Variants in NOL4 observed in about 807,000 individuals in gnomAD.
NOL4 encodes the protein cancer/testis antigen 125.
In NOL4, 17 loss-of-function variants were observed where a neutral mutation model predicts 75.9. The observed-to-expected ratio is 0.22, with a 90% CI of 0.15 to 0.34. The LOEUF is 0.34. NOL4 is among the 10% of genes least tolerant of loss of function. The pLI, the probability that NOL4 is intolerant of heterozygous loss-of-function variation, is 1.00. For missense variants in NOL4, 614 were observed against 793.5 expected, an observed-to-expected ratio of 0.77 and a Z score of 2.72; for synonymous variants, 292 against 289.9, an observed-to-expected ratio of 1.01 and a Z score of -0.07.
chr18:34,139,289 T>G (rs1415819882), intron 1 of NOL4, among the ~76,000 whole-genome samples: 2 of 152,236 alleles, frequency 1.3e-5, no homozygotes, highest in Non-Finnish European at 2.9e-5. Context: ...AGAATTCGGC[T>G]GTGAATCTGT....
chr18:34,047,790 G>A (rs558088800), intron 5 of NOL4, among the ~76,000 whole-genome samples: 2 of 152,150 alleles, frequency 1.3e-5, no homozygotes, highest in African/African-American at 4.8e-5. Context: ...CCACATAGAC[G>A]TAGACATCCC....
At chr18:34,208,358 C>T (rs2036267852) in intron 1 of NOL4, among the ~76,000 whole-genome samples, 2 of 151,812 alleles carry the variant, frequency 1.3e-5, no homozygotes, top group South Asian at 4.2e-4. Context: ...TACCCTGACC[C>T]AGAATGTCCA....
chr18:34,129,643 C>A (rs964042219), intron 2 of NOL4, among the ~76,000 whole-genome samples: 18 of 151,526 alleles, frequency 1.2e-4, no homozygotes, highest in Non-Finnish European at 2.9e-5. Flanking sequence ...ACATATTATA[C>A]ATTTTTAAAG....
intron 1 of NOL4, among the ~76,000 whole-genome samples, chr18:34,157,488 A>T (rs2030636557): frequency 6.6e-6 from 1 of 152,274 alleles, no homozygotes; most frequent in African/African-American, 2.4e-5. Flanking sequence ...TTGTCCATGA[A>T]GTAGCTCAGA....
chr18:33,990,758 T>C (rs1381738866), intron 6 of NOL4, among the ~76,000 whole-genome samples: 1 of 152,062 alleles, frequency 6.6e-6, no homozygotes. Context: ...ACAGTCTTCC[T>C]TTCCATCCTA....
intron 4 of NOL4, among the ~76,000 whole-genome samples, chr18:34,098,061 T>C (rs1261510122): frequency 2.6e-5 from 4 of 152,190 alleles, no homozygotes; most frequent in African/African-American, 4.8e-5. Flanking sequence ...GTTTTTTTTA[T>C]GGATATTGAC....
intron 5 of NOL4, among the ~76,000 whole-genome samples, chr18:34,068,470 G>T (rs1350477195): frequency 6.6e-6 from 1 of 152,022 alleles, no homozygotes; most frequent in African/African-American, 2.4e-5. Context: ...CGCGAGCTTG[G>T]CTCACTGCAA....
intron 4 of NOL4, among the ~76,000 whole-genome samples, chr18:34,094,626 G>C (rs1008041434): frequency 1.3e-5 from 2 of 152,154 alleles, no homozygotes; most frequent in African/African-American, 4.8e-5. Context: ...AGGCTGGAAG[G>C]CCCGGGAAAC....
At chr18:33,978,409 C>A (rs536599148) in intron 6 of NOL4, among the ~76,000 whole-genome samples, 1 of 152,136 alleles carries the variant, frequency 6.6e-6, no homozygotes, top group African/African-American at 2.4e-5. Context: ...AGTCAGGTCT[C>A]TACTGATGAT....
intron 1 of NOL4, among the ~76,000 whole-genome samples, chr18:34,163,326 G>T (rs1257924970): frequency 3.3e-5 from 5 of 151,690 alleles, no homozygotes; most frequent in Admixed American, 6.6e-5. Context: ...TGACATGATT[G>T]TATATCTAGA....
chr18:34,165,825 A>G (rs1457287938), intron 1 of NOL4, among the ~76,000 whole-genome samples: 1 of 152,010 alleles, frequency 6.6e-6, no homozygotes. Context: ...TATAATAAGC[A>G]GATATAATTG....
chr18:34,190,256 A>G (rs899814027), intron 1 of NOL4, among the ~76,000 whole-genome samples: 2 of 151,816 alleles, frequency 1.3e-5, no homozygotes, highest in African/African-American at 4.8e-5. Context: ...TAATTACAAG[A>G]GCTGAGAATG....
chr18:33,988,395 A>C (rs1370710685), intron 6 of NOL4, among the ~76,000 whole-genome samples: 1 of 152,110 alleles, frequency 6.6e-6, no homozygotes, highest in Admixed American at 6.5e-5. Context: ...AAACATAAAA[A>C]GATACTTGAG....
chr18:34,209,439 G>A (rs2036361686), intron 1 of NOL4, among the ~76,000 whole-genome samples: 1 of 151,954 alleles, frequency 6.6e-6, no homozygotes, highest in African/African-American at 2.4e-5. Flanking sequence ...ATGATGAATG[G>A]CAAGAGAACT....
intron 5 of NOL4, among the ~76,000 whole-genome samples, chr18:34,040,852 G>A (rs1432068752): frequency 9.2e-5 from 14 of 151,934 alleles, no homozygotes; most frequent in Admixed American, 9.2e-4. Flanking sequence ...TATAAATTTG[G>A]TCAGAAATAT....
chr18:34,003,536 C>T (rs1389094165), intron 6 of NOL4, among the ~76,000 whole-genome samples: 1 of 152,040 alleles, frequency 6.6e-6, no homozygotes, highest in East Asian at 1.9e-4. Flanking sequence ...CACATATTTC[C>T]TGCTGCTGGA....
intron 9 of NOL4, among the ~76,000 whole-genome samples, chr18:33,932,306 T>C (rs2067749392): frequency 6.6e-6 from 1 of 152,114 alleles, no homozygotes; most frequent in Non-Finnish European, 1.5e-5. Flanking sequence ...GTAATTCTTG[T>C]AAAAAATAAT....
Position 34,159,925 on chromosome 18 carries a change from G to A in NOL4, c.265-29905C>T, listed in dbSNP as rs568965070. 6.6e-5 allele frequency among the ~76,000 whole-genome samples: 10 copies of A among 152,088 alleles called. No homozygotes were observed. In the East Asian group the frequency reaches 1.9e-3, roughly 30 times the overall value. On this transcript the variant is annotated intron_variant, in intron 1 of 10. Transcript: ENST00000261592. ...TGCGGGGAGGGGAGTGGGGTGGGGTGGAGTTGTCAGCTGGCCATATCCAGT... is the reference window on the plus strand; with the variant it reads ...TGCGGGGAGGGGAGTGGGGTGGGGTAGAGTTGTCAGCTGGCCATATCCAGT...
At chr18:33,879,684 A>C (rs997276955) in intron 10 of NOL4, among the ~76,000 whole-genome samples, 2 of 152,000 alleles carry the variant, frequency 1.3e-5, no homozygotes, top group African/African-American at 2.4e-5. Context: ...CTGTCCTAAA[A>C]ATAAAAAAGA....
Sources: allele counts gnomAD v4.1 joint callset (sites outside exome capture counted in the v4.1 genomes callset), GRCh38; gene constraint gnomAD v4.1.1; transcripts MANE v1.5; gene names NCBI Gene and HGNC (gene_info 2026-07-23, HGNC 2026-07-21).